Variants in ZNF385D observed in about 807,000 individuals in gnomAD.
ZNF385D encodes zinc finger protein 659.
ZNF385D carries 15 observed loss-of-function variants against 35.8 expected under a neutral mutation model. The ratio of observed to expected loss-of-function variants is 0.42; its 90% CI spans 0.28 to 0.64. ZNF385D has a LOEUF of 0.64. Among genes scored for constraint, ZNF385D ranks in the 30% least tolerant of loss-of-function variants. The pLI is 0.23. For missense variants in ZNF385D, 474 were observed against 494.6 expected, an observed-to-expected ratio of 0.96 and a Z score of 0.39; for synonymous variants, 212 against 186.8, an observed-to-expected ratio of 1.13 and a Z score of -1.10.
intron 3 of ZNF385D, chr3:21,978,369 T>G (rs1703769797): frequency 6.6e-6 from 1 of 152,236 alleles, no homozygotes; most frequent in Admixed American, 6.5e-5. Flanking sequence ...AGGCCAATAT[T>G]GTGGAATATT....
At chr3:21,874,543 A>G (rs964858408) in intron 3 of ZNF385D, among the ~76,000 whole-genome samples, 7 of 152,032 alleles carry the variant, frequency 4.6e-5, no homozygotes, top group African/African-American at 9.7e-5. Context: ...TGGGCTTTCT[A>G]TTCCTTTCCA....
intron 3 of ZNF385D, among the ~76,000 whole-genome samples, chr3:22,126,422 T>A (rs1259009353): frequency 6.6e-6 from 1 of 151,388 alleles, no homozygotes; most frequent in African/African-American, 2.4e-5. Flanking sequence ...CCTCAAGGAA[T>A]TTTAAAATTT....
chr3:22,103,748 T>G (rs925398699), intron 3 of ZNF385D, among the ~76,000 whole-genome samples: 8 of 143,396 alleles, frequency 5.6e-5, no homozygotes, highest in African/African-American at 2.0e-4. Flanking sequence ...TAGCACAACC[T>G]CCTGGTTGTG....
chr3:21,463,459 C>T (rs1703313798), intron 4 of ZNF385D, among the ~76,000 whole-genome samples: 1 of 152,198 alleles, frequency 6.6e-6, no homozygotes, highest in Non-Finnish European at 1.5e-5. Flanking sequence ...GAAGCAGTCA[C>T]AGAGCTCAGC....
chr3:22,351,257 C>G (rs976713156), intron 2 of ZNF385D, among the ~76,000 whole-genome samples: 7 of 152,068 alleles, frequency 4.6e-5, no homozygotes, highest in Admixed American at 2.0e-4. Context: ...ATGCTGCATT[C>G]TAATGTCACT....
At chr3:22,343,840 C>T (rs1224495708) in intron 2 of ZNF385D, among the ~76,000 whole-genome samples, 1 of 152,104 alleles carries the variant, frequency 6.6e-6, no homozygotes, top group East Asian at 1.9e-4. Flanking sequence ...CATTCTCACA[C>T]TTGAATGTAA....
At chr3:21,543,585 TC>T (rs1305730755) in intron 3 of ZNF385D, among the ~76,000 whole-genome samples, 1 of 152,128 alleles carries the variant, frequency 6.6e-6, no homozygotes, top group African/African-American at 2.4e-5. Context: ...GGGGTTCTAC[TC>T]CATCCGACAG....
intron 3 of ZNF385D, among the ~76,000 whole-genome samples, chr3:21,890,382 G>A (rs889964300): frequency 1.9e-4 from 29 of 152,172 alleles, no homozygotes; most frequent in African/African-American, 6.8e-4. Context: ...ACTTTGGGAG[G>A]CCGAGGCGGG....
At position 22,221,397 on chromosome 3, in the gene ZNF385D, T is replaced by C. The variant is rs201844037; in HGVS notation, c.107-52362A>G. On this transcript the variant is annotated intron_variant, in intron 2 of 5. Transcript: ENST00000494108. Reference sequence around the variant, plus strand: ...ATTGCATATATACCCCCCCACCTCATTTATTTTGAAGCAAATCCCAGACAT... The same window carrying C: ...ATTGCATATATACCCCCCCACCTCACTTATTTTGAAGCAAATCCCAGACAT... Among the ~76,000 whole-genome samples the C allele has an allele frequency of 5.3e-5, 8 of 152,216 alleles. No homozygotes were observed. The East Asian group carries it at 1.5e-3, about 29-fold the overall frequency.
chr3:22,216,475 G>A (rs564919163), intron 2 of ZNF385D, among the ~76,000 whole-genome samples: 45 of 152,134 alleles, frequency 3.0e-4, no homozygotes, highest in Middle Eastern at 3.4e-3. Context: ...AATAACTAGC[G>A]TTCTTCATGA....
At chr3:21,827,145 A>G (rs1419826610) in intron 3 of ZNF385D, among the ~76,000 whole-genome samples, 1 of 152,218 alleles carries the variant, frequency 6.6e-6, no homozygotes, top group Non-Finnish European at 1.5e-5. Flanking sequence ...TTGAACATTA[A>G]CTAACACACT....
intron 2 of ZNF385D, among the ~76,000 whole-genome samples, chr3:21,584,131 G>A (rs375113668): frequency 4.0e-5 from 6 of 151,792 alleles, no homozygotes; most frequent in South Asian, 4.2e-4. Context: ...ACACCACCAC[G>A]CTAGGCTAAT....
chr3:21,930,272 CTG>C (rs1700937690), intron 3 of ZNF385D, among the ~76,000 whole-genome samples: 1 of 131,092 alleles, frequency 7.6e-6, no homozygotes. Flanking sequence ...TTTTTTTATA[CTG>C]TACAAAAAAA....
chr3:22,314,241 C>T (rs1703757275), intron 2 of ZNF385D, among the ~76,000 whole-genome samples: 1 of 151,978 alleles, frequency 6.6e-6, no homozygotes, highest in African/African-American at 2.4e-5. Flanking sequence ...TATACTGAAC[C>T]CAATTTGTAG....
At chr3:21,629,000 A>G (rs2065208810) in intron 2 of ZNF385D, among the ~76,000 whole-genome samples, 1 of 152,092 alleles carries the variant, frequency 6.6e-6, no homozygotes, top group Admixed American at 6.6e-5. Flanking sequence ...AATTTTTTAC[A>G]AAAGAAAATC....
chr3:22,202,461 C>T (rs1483022083), intron 2 of ZNF385D, among the ~76,000 whole-genome samples: 1 of 151,994 alleles, frequency 6.6e-6, no homozygotes, highest in African/African-American at 2.4e-5. Flanking sequence ...GGGTGGGTGC[C>T]TTGAAAATGT....
intron 3 of ZNF385D, among the ~76,000 whole-genome samples, chr3:21,858,899 C>T (rs942490451): frequency 2.0e-4 from 31 of 152,018 alleles, no homozygotes; most frequent in Admixed American, 2.0e-4. Flanking sequence ...CCAGTGAATC[C>T]GATAACAGGT....
chr3:21,510,555 C>T (rs889163757), intron 4 of ZNF385D, among the ~76,000 whole-genome samples: 3 of 152,146 alleles, frequency 2.0e-5, no homozygotes, highest in Admixed American at 6.5e-5. Context: ...GCAAATGCTG[C>T]ACACTGAAAA....
intron 3 of ZNF385D, among the ~76,000 whole-genome samples, chr3:21,870,658 T>C (rs963477197): frequency 1.3e-5 from 2 of 152,286 alleles, no homozygotes; most frequent in South Asian, 4.1e-4. Context: ...CCAACTGTTA[T>C]CAATCTTTGG....
Sources: allele counts gnomAD v4.1 joint callset (sites outside exome capture counted in the v4.1 genomes callset), GRCh38; gene constraint gnomAD v4.1.1; transcripts MANE v1.5; gene names NCBI Gene and HGNC (gene_info 2026-07-23, HGNC 2026-07-21).